The following COX7A1 variants were observed in gnomAD, a reference collection of about 807,000 sequenced individuals.
The protein encoded by COX7A1 is cytochrome c oxidase subunit 7A1, mitochondrial.
A neutral mutation model predicts 13.2 loss-of-function variants in COX7A1; 21 were observed. The observed-to-expected ratio is 1.59, with a 90% CI of 1.13 to 2.29. The LOEUF is 2.29. Among genes scored for constraint, COX7A1 ranks in the 30% most tolerant of loss-of-function variants. The pLI, the probability that COX7A1 is intolerant of heterozygous loss-of-function variation, is 0.00. For synonymous variants in COX7A1, 41 were observed against 41.9 expected (o/e 0.98, Z 0.08); for missense variants, 107 against 100.0 (o/e 1.07, Z -0.30).
In COX7A1 at chr19:36,151,650, A is replaced by ACCCCCCCCCCCCCCCCCC; in HGVS notation, c.102+18_102+19insGGGGGGGGGGGGGGGGGG. The ACCCCCCCCCCCCCCCCCC allele has an allele frequency of 1.9e-6, 2 of 1,078,304 alleles. No homozygotes were observed. The highest frequency in any genetic ancestry group is 2.6e-6 in the Non-Finnish European group (2 of 775,878). The allele number at this position is 1,078,304 out of a possible 1,614,324, so 66.8% of individuals were successfully genotyped here. A position where few individuals can be genotyped will look rare whatever the true frequency, so the allele number is the denominator to read the frequency against. On this transcript the variant is annotated intron_variant, in intron 2 of 3. Transcript: ENST00000292907. Reference sequence around the variant, plus strand: ...CTCCCGGCTGGCGCGTCGGATCCCCACCCCCCCCGACCCCCCACCTGGAAG... The same window carrying ACCCCCCCCCCCCCCCCCC: ...CTCCCGGCTGGCGCGTCGGATCCCCACCCCCCCCCCCCCCCCCCCCCCCCCCGACCCCCCACCTGGAAG...
intron 1 of COX7A1, 95 bp from the exon 2 acceptor site, chr19:36,151,850 C>T (rs1194722887): frequency 2.7e-6 from 3 of 1,113,682 alleles, no homozygotes; most frequent in Middle Eastern, 2.0e-4. Context: ...GGGACAGCCC[C>T]ATCCCTAGCG....
chr19:36,151,176 T>A (rs1974761315), intron 3 of COX7A1, 142 bp from the exon 4 acceptor site: 3 of 908,392 alleles, frequency 3.3e-6, no homozygotes, highest in Admixed American at 2.7e-5. Context: ...CAGATTGGAC[T>A]CCTATTGTAA....
intron 1 of COX7A1, 36 bp from the exon 2 acceptor site, chr19:36,151,791 C>A (rs774713999): frequency 1.3e-4 from 204 of 1,547,742 alleles, no homozygotes; most frequent in Non-Finnish European, 1.7e-4. Flanking sequence ...TTGGAGGCAC[C>A]TGGAGGGGTG....
In COX7A1 at chr19:36,150,984, A is replaced by C. The variant is rs1328285439; in HGVS notation, c.238T>G (p.Ter80GluextTer8). ...SLGWASFPRN[*>E] ...CAGGCCCCCCAGGCTTCTTGGTCTT[A>C]ATTCCTGGGGAAGGAGGCCCAGCCA... Residue 80 changes from the stop codon to glutamate (E), a stop_lost, in exon 4 of 4, where the codon TAA becomes GAA. Coordinates refer to ENST00000292907, the MANE Select transcript of COX7A1 (RefSeq NM_001864.4). 6.2e-7 allele frequency: 1 copy of C among 1,613,960 alleles called. No individual in the cohort carries two copies. The highest frequency in any genetic ancestry group is 1.1e-5 in the South Asian group (1 of 91,082).
At position 36,150,986 on chromosome 19, in the gene COX7A1, T is replaced by C; in HGVS notation, c.236A>G (p.Asn79Ser). 6.2e-7 allele frequency: 1 copy of C among 1,614,024 alleles called. No individual in the cohort carries two copies. The highest frequency in any genetic ancestry group is 8.5e-7 in the Non-Finnish European group (1 of 1,179,934). The change falls in exon 4 of 4, where the codon AAT becomes AGT. Residue 79 changes from asparagine to serine, a missense_variant. Transcript: ENST00000292907. ...YSLGWASFPR[N>S] ...GGCCCCCCAGGCTTCTTGGTCTTAA[T>C]TCCTGGGGAAGGAGGCCCAGCCAAG...
chr19:36,151,597 C>A, intron 2 of COX7A1, 51 bp from the exon 3 acceptor site: 1 of 1,611,262 alleles, frequency 6.2e-7, no homozygotes, highest in Non-Finnish European at 8.5e-7. Flanking sequence ...CTCCTTAGAG[C>A]GCGCCCCGCC....
chr19:36,151,806 G>A lies in COX7A1; in HGVS notation c.16-51C>T, dbSNP rs751948664. ...TTGGAGGCACCTGGAGGGGTGTCCT[G>A]AAGTGGGACCCCGCTCTCTGAGGCC... On this transcript the variant is annotated intron_variant, in intron 1 of 3. Coordinates refer to ENST00000292907, the MANE Select transcript of COX7A1 (RefSeq NM_001864.4). 3 of 1,462,832 alleles carry A rather than the reference G, an allele frequency of 2.1e-6. No homozygotes were observed. In the South Asian group the frequency reaches 3.6e-5, roughly 18 times the overall value. The allele number at this position is 1,462,832 out of a possible 1,614,324, so 90.6% of individuals were successfully genotyped here. A position where few individuals can be genotyped will look rare whatever the true frequency, so the allele number is the denominator to read the frequency against.
In COX7A1 at chr19:36,151,660, A is replaced by ACCCCCCCCGCC; in HGVS notation, c.102+8_102+9insGGCGGGGGGGG. The stretch of plus-strand genomic sequence containing the variant: ...GCGCGTCGGATCCCCACCCCCCCCG[A>ACCCCCCCCGCC]CCCCCCACCTGGAAGAGCTTCTGTT... On this transcript the variant is annotated intron_variant, in intron 2 of 3. Coordinates refer to ENST00000292907, the MANE Select transcript of COX7A1 (RefSeq NM_001864.4). The ACCCCCCCCGCC allele has an allele frequency of 1.7e-6, 2 of 1,203,898 alleles. No individual in the cohort carries two copies. The highest frequency in any genetic ancestry group is 1.2e-6 in the Non-Finnish European group (1 of 853,214). The allele number at this position is 1,203,898 out of a possible 1,614,324, so 74.6% of individuals were successfully genotyped here.
intron 1 of COX7A1, 44 bp from the exon 2 acceptor site, chr19:36,151,799 G>A (rs534723539): frequency 2.7e-6 from 4 of 1,502,302 alleles, no homozygotes; most frequent in East Asian, 2.4e-5. Flanking sequence ...ACCTGGAGGG[G>A]TGTCCTGAAG....
chr19:36,151,349 C>A, intron 3 of COX7A1, 113 bp downstream of exon 3: 1 of 1,176,260 alleles, frequency 8.5e-7, no homozygotes, highest in East Asian at 2.4e-5. Flanking sequence ...CGACCCCCTT[C>A]CTAAACGCCA....
rs753136051 is a variant in COX7A1, at chr19:36,150,932, C to G, written c.*50G>C. On this transcript the variant is annotated 3_prime_UTR_variant, in exon 4 of 4. Transcript: ENST00000292907. The stretch of plus-strand genomic sequence containing the variant: ...AAACACAGACACACACAGAGGCCAG[C>G]GTTTATTGACACTTGTTCAAGTCTC... The G allele has an allele frequency of 1.9e-6, 3 of 1,566,426 alleles. No homozygotes were observed. The highest frequency in any genetic ancestry group is 1.8e-6 in the Non-Finnish European group (2 of 1,136,738).
chr19:36,151,025 T>C lies in COX7A1; in HGVS notation c.197A>G (p.Tyr66Cys). The C allele has an allele frequency of 6.2e-7, 1 of 1,613,816 alleles. No homozygotes were observed. Among genetic ancestry groups the C allele is most frequent in the Non-Finnish European group, 8.5e-7 (1 of 1,179,842 alleles). ...GGCCCAGCCAAGGGAGTACAAGCTG[T>C]AGACAGTGCCTAGAAAGGGGAAGCG... ...TMTLCLGGTV[Y>C]SLYSLGWASF... is the part of the protein sequence containing the mutation. Residue 66 changes from tyrosine to cysteine, a missense_variant, in exon 4 of 4, where the codon TAC becomes TGC. Coordinates refer to ENST00000292907, the MANE Select transcript of COX7A1 (RefSeq NM_001864.4).
Position 36,151,928 on chromosome 19 carries a change from A to AGGG in COX7A1, c.16-176_16-174dup, listed in dbSNP as rs142398215. On this transcript the variant is annotated intron_variant, in intron 1 of 3. Transcript: ENST00000292907. ...CCCGCGAACTGCCAGCTGGGTTGGG[A>AGGG]GGGGACTCGCCCTGGAGTCTGGCCT... 1.5e-3 allele frequency: 1,129 copies of AGGG among 740,296 alleles called. 11 individuals carry two copies. The African/African-American group carries it at 0.017, about 11-fold the overall frequency. The allele number at this position is 740,296 out of a possible 1,614,324, so 45.9% of individuals were successfully genotyped here.
chr19:36,151,650 A>ACCCCCCCCCCCCCCCCC lies in COX7A1; in HGVS notation c.102+18_102+19insGGGGGGGGGGGGGGGGG. On this transcript the variant is annotated intron_variant, in intron 2 of 3. Coordinates refer to ENST00000292907, the MANE Select transcript of COX7A1 (RefSeq NM_001864.4). ...CTCCCGGCTGGCGCGTCGGATCCCC[A>ACCCCCCCCCCCCCCCCC]CCCCCCCCGACCCCCCACCTGGAAG... is the stretch of plus-strand genomic sequence containing the variant. 4 of 1,078,300 alleles carry ACCCCCCCCCCCCCCCCC rather than the reference A, an allele frequency of 3.7e-6. No individual in the cohort carries two copies. The highest frequency in any genetic ancestry group is 3.9e-6 in the Non-Finnish European group (3 of 775,874). The allele number at this position is 1,078,300 out of a possible 1,614,324, so 66.8% of individuals were successfully genotyped here.
At position 36,151,474 on chromosome 19, in the gene COX7A1, G is replaced by A; in HGVS notation, c.175C>T (p.Leu59=). 1 of 1,614,158 alleles carries A rather than the reference G, an allele frequency of 6.2e-7. No homozygotes were observed. The highest frequency in any genetic ancestry group is 1.1e-5 in the South Asian group (1 of 91,084). Residue 59 remains leucine, a synonymous_variant, in exon 3 of 4, where the codon CTG becomes TTG. Coordinates refer to ENST00000292907, the MANE Select transcript of COX7A1 (RefSeq NM_001864.4). ...GCCCTGCGCTCACCGCCCAGACACA[G>A]CGTCATTGTCACTCGGTACAGGATG... is the stretch of plus-strand genomic sequence containing the variant. The part of the protein sequence containing the change: ...DNILYRVTMT[L]CLGGTVYSLY...
At chr19:36,151,815 C>T (rs1276836383) in intron 1 of COX7A1, 60 bp from the exon 2 acceptor site, 6 of 1,425,826 alleles carry the variant, frequency 4.2e-6, no homozygotes, top group Non-Finnish European at 5.8e-6. Context: ...TGAAGTGGGA[C>T]CCCGCTCTCT....
At chr19:36,152,335 C>T in intron 1 of COX7A1, 58 bp downstream of exon 1, 6 of 1,249,280 alleles carry the variant, frequency 4.8e-6, no homozygotes, top group Non-Finnish European at 6.2e-6. Flanking sequence ...TGGAGAGTCG[C>T]GTATTAGGGC....
Position 36,151,661 on chromosome 19 carries a change from C to CT in COX7A1, c.102+7_102+8insA, listed in dbSNP as rs753926083. The CT allele has an allele frequency of 7.9e-4, 1,236 of 1,569,350 alleles. 15 individuals are homozygous for CT. Among genetic ancestry groups the CT allele is most frequent in the East Asian group, 5.3e-4 (23 of 43,394 alleles). On this transcript the variant is annotated splice_region_variant and intron_variant, in intron 2 of 3. Transcript: ENST00000292907. ...CGCGTCGGATCCCCACCCCCCCCGACCCCCCACCTGGAAGAGCTTCTGTTT... is the reference window on the plus strand; with the variant it reads ...CGCGTCGGATCCCCACCCCCCCCGACTCCCCCACCTGGAAGAGCTTCTGTTT...
intron 3 of COX7A1, 93 bp downstream of exon 3, chr19:36,151,369 C>T: frequency 7.1e-7 from 1 of 1,415,546 alleles, no homozygotes; most frequent in Non-Finnish European, 9.9e-7. Flanking sequence ...AACCCCCAAC[C>T]CAGATCCTGG....
Sources: allele counts gnomAD v4.1 joint callset, GRCh38; gene constraint gnomAD v4.1.1; transcripts MANE v1.5; gene names NCBI Gene and HGNC (gene_info 2026-07-23, HGNC 2026-07-21).